Variants in MCUB observed in about 807,000 individuals in gnomAD.
The protein encoded by MCUB is calcium uniporter regulatory subunit MCUb, mitochondrial.
A neutral mutation model predicts 41.4 loss-of-function variants in MCUB; 46 were observed. That is an observed-to-expected ratio of 1.11 (90% CI 0.88 to 1.42). The LOEUF (loss-of-function observed/expected upper bound fraction) is 1.42. Among genes scored for constraint, MCUB ranks in the 40% most tolerant of loss-of-function variants. The pLI, the probability that MCUB is intolerant of heterozygous loss-of-function variation, is 0.00. For missense variants in MCUB, 403 were observed against 404.9 expected (o/e 1.00, Z 0.04); for synonymous variants, 148 against 148.2 (o/e 1.00, Z 0.01).
intron 1 of MCUB, among the ~76,000 whole-genome samples, chr4:109,622,695 C>T (rs1229505541): frequency 2.6e-5 from 4 of 152,164 alleles, no homozygotes; most frequent in Non-Finnish European, 5.9e-5. Context: ...GCCCACAGCA[C>T]CCCAAACTTA....
At chr4:109,634,986 T>G (rs1477601388) in intron 1 of MCUB, among the ~76,000 whole-genome samples, 1 of 151,936 alleles carries the variant, frequency 6.6e-6, no homozygotes, top group African/African-American at 2.4e-5. Context: ...CAGTGTGTGA[T>G]GTTCCCCTCC....
chr4:109,627,997 T>A (rs529643509), intron 1 of MCUB, among the ~76,000 whole-genome samples: 1 of 151,670 alleles, frequency 6.6e-6, no homozygotes, highest in African/African-American at 2.4e-5. Context: ...ATATAACATA[T>A]AAGTCATTTG....
At chr4:109,634,268 A>AGGTCG (rs1355066802) in intron 1 of MCUB, among the ~76,000 whole-genome samples, 2 of 151,946 alleles carry the variant, frequency 1.3e-5, no homozygotes, top group Non-Finnish European at 2.9e-5. Flanking sequence ...GGATCATCTG[A>AGGTCG]GGTCGGGAGT....
chr4:109,562,125 T>C (rs191675247), intron 1 of MCUB, among the ~76,000 whole-genome samples: 31 of 152,218 alleles, frequency 2.0e-4, no homozygotes, highest in African/African-American at 6.7e-4. Context: ...CTGCCCTTTC[T>C]CAAATTATCA....
At chr4:109,669,537 C>T (rs1729411235) in intron 4 of MCUB, among the ~76,000 whole-genome samples, 1 of 152,018 alleles carries the variant, frequency 6.6e-6, no homozygotes, top group African/African-American at 2.4e-5. Context: ...CTCTGAGCTT[C>T]CTGGATCTGT....
At chr4:109,647,000 T>A (rs13128388) in intron 1 of MCUB, among the ~76,000 whole-genome samples, 1 of 151,990 alleles carries the variant, frequency 6.6e-6, no homozygotes, top group Admixed American at 6.6e-5. Flanking sequence ...GCGAAGCGAG[T>A]ACCCCTCCCC....
intron 1 of MCUB, among the ~76,000 whole-genome samples, chr4:109,641,910 C>T (rs1037299336): frequency 5.3e-5 from 8 of 152,086 alleles, no homozygotes; most frequent in African/African-American, 1.9e-4. Flanking sequence ...ACCTTTGTCA[C>T]GAAAAGATCT....
At chr4:109,635,974 T>C (rs1054849775) in intron 1 of MCUB, among the ~76,000 whole-genome samples, 1 of 152,218 alleles carries the variant, frequency 6.6e-6, no homozygotes, top group Non-Finnish European at 1.5e-5. Context: ...TTCTGGGTCA[T>C]TAGGTATATG....
intron 1 of MCUB, among the ~76,000 whole-genome samples, chr4:109,597,247 G>A (rs2126129816): frequency 6.6e-6 from 1 of 152,236 alleles, no homozygotes; most frequent in Non-Finnish European, 1.5e-5. Context: ...GAGCTGTTGG[G>A]CACACCTCCC....
intron 1 of MCUB, among the ~76,000 whole-genome samples, chr4:109,589,412 C>T (rs1727380747): frequency 6.6e-6 from 1 of 152,194 alleles, no homozygotes; most frequent in African/African-American, 2.4e-5. Flanking sequence ...CCAGGAAGTG[C>T]TTCCCGTCTC....
At chr4:109,591,189 T>TC (rs1727428440) in intron 1 of MCUB, among the ~76,000 whole-genome samples, 1 of 151,800 alleles carries the variant, frequency 6.6e-6, no homozygotes, top group African/African-American at 2.4e-5. Flanking sequence ...AAAATTCTTT[T>TC]TTTTTTTTTT....
chr4:109,684,018 C>G (rs1204569982), intron 5 of MCUB, among the ~76,000 whole-genome samples: 1 of 151,332 alleles, frequency 6.6e-6, no homozygotes, highest in Non-Finnish European at 1.5e-5. Flanking sequence ...TATGTCTGAC[C>G]TCTTCAAAGT....
intron 1 of MCUB, among the ~76,000 whole-genome samples, chr4:109,597,273 C>CG (rs1727580710): frequency 6.6e-6 from 1 of 151,830 alleles, no homozygotes; most frequent in Admixed American, 6.6e-5. Flanking sequence ...GGGTGGTGGC[C>CG]GGGCAGAGGG....
chr4:109,621,024 G>C (rs1728240837), intron 1 of MCUB, among the ~76,000 whole-genome samples: 1 of 151,922 alleles, frequency 6.6e-6, no homozygotes, highest in Non-Finnish European at 1.5e-5. Flanking sequence ...TCAGCCTCCT[G>C]AGTAGCTGGG....
rs750756882 is a variant in MCUB, at chr4:109,664,442, A to G, written c.451+48A>G. On this transcript the variant is annotated intron_variant, in intron 4 of 7. Coordinates refer to ENST00000394650, the MANE Select transcript of MCUB (RefSeq NM_017918.5). Reference sequence around the variant, plus strand: ...TATTACTTTTTTTTTTTTTTTTTAGATGAATTCTCACTTGCTCTGTTTCCC... The same window carrying G: ...TATTACTTTTTTTTTTTTTTTTTAGGTGAATTCTCACTTGCTCTGTTTCCC... 6.0e-5 allele frequency: 42 copies of G among 694,884 alleles called. No individual in the cohort carries two copies. In the South Asian group the frequency reaches 6.2e-4, roughly 10 times the overall value. The allele number at this position is 694,884 out of a possible 1,614,324, so 43.0% of individuals were successfully genotyped here.
At chr4:109,604,773 G>A (rs1047361870) in intron 1 of MCUB, among the ~76,000 whole-genome samples, 1 of 152,168 alleles carries the variant, frequency 6.6e-6, no homozygotes, top group African/African-American at 2.4e-5. Flanking sequence ...TTGAAATGAT[G>A]ATACAGTTTT....
At chr4:109,598,689 C>T (rs892997353) in intron 1 of MCUB, among the ~76,000 whole-genome samples, 15 of 151,938 alleles carry the variant, frequency 9.9e-5, no homozygotes, top group African/African-American at 2.9e-4. Context: ...TGATCTGGGC[C>T]CTTGATTTTT....
chr4:109,602,091 G>C (rs907803342), intron 1 of MCUB, among the ~76,000 whole-genome samples: 6 of 152,048 alleles, frequency 3.9e-5, no homozygotes, highest in Non-Finnish European at 7.4e-5. Flanking sequence ...AGAGTTGTTT[G>C]AGTCCTTAAT....
Position 109,688,708 on chromosome 4 carries a change from A to T in MCUB, c.*1116A>T, listed in dbSNP as rs961921437. On this transcript the variant is annotated 3_prime_UTR_variant, in exon 8 of 8. Coordinates refer to ENST00000394650, the MANE Select transcript of MCUB (RefSeq NM_017918.5). ...TAAAAACATCAAACAATAAACTTTT[A>T]TAAAAAAGTGACAAAATACAAGTTA... 1.3e-5 allele frequency: 2 copies of T among 152,222 alleles called. No homozygotes were observed. The highest frequency in any genetic ancestry group is 4.8e-5 in the African/African-American group (2 of 41,466). The allele number at this position is 152,222 out of a possible 1,614,324, so 9.4% of individuals were successfully genotyped here.
Sources: gnomAD v4.1 joint callset for allele counts (sites outside exome capture counted in the v4.1 genomes callset) on GRCh38, gnomAD v4.1.1 for gene constraint, MANE v1.5 for transcripts, NCBI Gene and HGNC (gene_info 2026-07-23, HGNC 2026-07-21) for gene names.